Variants in FSTL5 observed in about 807,000 individuals in gnomAD.
The protein encoded by FSTL5 is follistatin like 5, also known as follistatin-related protein 5.
FSTL5 carries 62 observed loss-of-function variants against 89.1 expected under a neutral mutation model. The observed-to-expected ratio is 0.70, with a 90% CI of 0.57 to 0.86. The LOEUF is 0.86. Among genes scored for constraint, FSTL5 ranks in the 40% least tolerant of loss-of-function variants. The probability of loss-of-function intolerance (pLI) is 0.00; values close to 1 mark genes in which losing one functional copy is unlikely to be tolerated. For missense variants in FSTL5, 1,057 were observed against 1,001.6 expected (o/e 1.06, Z -0.75); for synonymous variants, 383 against 346.2 (o/e 1.11, Z -1.18).
At chr4:162,094,668 A>G (rs1730678887) in intron 2 of FSTL5, among the ~76,000 whole-genome samples, 1 of 152,192 alleles carries the variant, frequency 6.6e-6, no homozygotes. Context: ...TTCAAAGGCA[A>G]AACTAATTCA....
At chr4:161,636,710 G>A (rs193224232) in intron 7 of FSTL5, among the ~76,000 whole-genome samples, 560 of 148,230 alleles carry the variant, frequency 3.8e-3, no homozygotes, top group African/African-American at 0.013. Context: ...AGAATATGCC[G>A]TGTTTGGTTT....
intron 2 of FSTL5, among the ~76,000 whole-genome samples, chr4:162,053,118 AAACAGGAG>A (rs1738435803): frequency 6.6e-6 from 1 of 151,772 alleles, no homozygotes; most frequent in Non-Finnish European, 1.5e-5. Context: ...TCTGGGATGC[AAACAGGAG>A]ATATAGATTG....
At chr4:161,652,043 T>TGC (rs1736358904) in intron 7 of FSTL5, among the ~76,000 whole-genome samples, 1 of 152,170 alleles carries the variant, frequency 6.6e-6, no homozygotes, top group African/African-American at 2.4e-5. Context: ...ACACAGTGGT[T>TGC]AAACTCCTGC....
intron 4 of FSTL5, among the ~76,000 whole-genome samples, chr4:161,820,650 G>A (rs1174504590): frequency 6.6e-6 from 1 of 152,102 alleles, no homozygotes; most frequent in African/African-American, 2.4e-5. Flanking sequence ...GCCTTCCAGA[G>A]GTGATTCTCA....
At chr4:161,462,318 C>T (rs1733609827) in intron 13 of FSTL5, among the ~76,000 whole-genome samples, 1 of 152,144 alleles carries the variant, frequency 6.6e-6, no homozygotes, top group Non-Finnish European at 1.5e-5. Flanking sequence ...CTTATTTATG[C>T]CTCATGTATA....
intron 2 of FSTL5, among the ~76,000 whole-genome samples, chr4:162,102,406 G>T (rs981937575): frequency 3.3e-5 from 5 of 150,896 alleles, no homozygotes; most frequent in Non-Finnish European, 7.4e-5. Context: ...GGCAAATAAA[G>T]TCAAACGTGT....
intron 4 of FSTL5, among the ~76,000 whole-genome samples, chr4:161,917,175 A>C (rs7656995): frequency 0.84 from 127,745 of 152,098 alleles, 54,086 homozygotes; most frequent in Non-Finnish European, 0.89. Flanking sequence ...CCGGGCTGGT[A>C]TTGAACTCCT....
chr4:161,893,109 T>C (rs1733041148), intron 4 of FSTL5, among the ~76,000 whole-genome samples: 1 of 152,170 alleles, frequency 6.6e-6, no homozygotes, highest in Non-Finnish European at 1.5e-5. Flanking sequence ...GCAAATATAC[T>C]TAAAGATACT....
chr4:162,108,639 T>C (rs994820716), intron 2 of FSTL5, among the ~76,000 whole-genome samples: 3 of 151,862 alleles, frequency 2.0e-5, no homozygotes, highest in Non-Finnish European at 4.4e-5. Context: ...ATCATATAGG[T>C]TAAAAATAAT....
At chr4:161,440,913 A>T (rs1016371279) in intron 15 of FSTL5, among the ~76,000 whole-genome samples, 8 of 152,106 alleles carry the variant, frequency 5.3e-5, no homozygotes, top group African/African-American at 1.9e-4. Context: ...ATGCATATTG[A>T]TATTCCTGTT....
At chr4:161,556,747 A>C (rs1011158789) in intron 8 of FSTL5, among the ~76,000 whole-genome samples, 11 of 151,196 alleles carry the variant, frequency 7.3e-5, no homozygotes, top group South Asian at 2.1e-4. Flanking sequence ...AGCAAAAAAA[A>C]CCCACTAAGA....
intron 7 of FSTL5, among the ~76,000 whole-genome samples, chr4:161,654,434 G>A (rs1736445683): frequency 6.6e-6 from 1 of 152,038 alleles, no homozygotes; most frequent in Admixed American, 6.6e-5. Context: ...ATGCTGTCAA[G>A]GGCTTTGTCT....
chr4:161,627,498 G>A (rs890008740), intron 7 of FSTL5, among the ~76,000 whole-genome samples: 15 of 151,974 alleles, frequency 9.9e-5, no homozygotes, highest in African/African-American at 3.4e-4. Flanking sequence ...TCTCTTTATT[G>A]CAATATTTGT....
At chr4:161,808,603 T>A (rs1409073260) in intron 4 of FSTL5, among the ~76,000 whole-genome samples, 1 of 144,366 alleles carries the variant, frequency 6.9e-6, no homozygotes, top group East Asian at 2.1e-4. Context: ...AATTATTTCT[T>A]GCATATGACA....
At chr4:161,859,829 T>C (rs577839771) in intron 4 of FSTL5, among the ~76,000 whole-genome samples, 12 of 152,202 alleles carry the variant, frequency 7.9e-5, no homozygotes, top group Non-Finnish European at 1.6e-4. Flanking sequence ...TGGAAGGAAG[T>C]AGGACTCAAG....
intron 15 of FSTL5, among the ~76,000 whole-genome samples, chr4:161,419,217 A>G (rs1731897053): frequency 6.6e-6 from 1 of 151,996 alleles, no homozygotes; most frequent in African/African-American, 2.4e-5. Flanking sequence ...CACTAGTCAT[A>G]TTTTTTCATA....
intron 6 of FSTL5, among the ~76,000 whole-genome samples, chr4:161,711,435 C>T (rs953080280): frequency 6.8e-4 from 104 of 152,040 alleles, no homozygotes; most frequent in African/African-American, 2.4e-3. Context: ...CTTAGAAATA[C>T]TTGAAATACA....
intron 4 of FSTL5, among the ~76,000 whole-genome samples, chr4:161,896,187 T>C (rs1285737691): frequency 2.6e-5 from 4 of 152,244 alleles, no homozygotes; most frequent in Non-Finnish European, 4.4e-5. Context: ...AAACCTTTAT[T>C]GTATCTTCAT....
At position 162,130,038 on chromosome 4, in the gene FSTL5, C is replaced by CA. The variant is rs768770325; in HGVS notation, c.-16-18627dup. The stretch of plus-strand genomic sequence containing the variant: ...AAAGAGCCTAGAGGGATAAAGTCCA[C>CA]ATAGATATTGAGCATTTTTCATTTT... On this transcript the variant is annotated intron_variant, in intron 1 of 15. Transcript: ENST00000306100. 8.5e-5 allele frequency among the ~76,000 whole-genome samples: 13 copies of CA among 152,258 alleles called. No homozygotes were observed. The East Asian group carries it at 1.5e-3, about 18-fold the overall frequency.
Sources: allele counts gnomAD v4.1 joint callset (sites outside exome capture counted in the v4.1 genomes callset), GRCh38; gene constraint gnomAD v4.1.1; transcripts MANE v1.5; gene names NCBI Gene and HGNC (gene_info 2026-07-23, HGNC 2026-07-21).